Variants in FGGY observed in about 807,000 individuals in gnomAD.
FGGY encodes the protein FGGY carbohydrate kinase domain containing.
A neutral mutation model predicts 71.3 loss-of-function variants in FGGY; 72 were observed. The ratio of observed to expected loss-of-function variants is 1.01; its 90% CI spans 0.84 to 1.23. The LOEUF (loss-of-function observed/expected upper bound fraction) is 1.23, where lower values mean the gene tolerates loss of function less well. FGGY is among the 50% of genes most tolerant of loss of function. The pLI is 0.00. For synonymous variants in FGGY, 251 were observed against 250.3 expected, an observed-to-expected ratio of 1.00 and a Z score of -0.02; for missense variants, 668 against 682.3, an observed-to-expected ratio of 0.98 and a Z score of 0.23.
chr1:59,591,538 A>G (rs1189590982), intron 8 of FGGY, among the ~76,000 whole-genome samples: 1 of 152,218 alleles, frequency 6.6e-6, no homozygotes, highest in East Asian at 1.9e-4. Context: ...ACTTCAAACT[A>G]TACTACAAGG....
At chr1:59,370,449 C>A (rs576699957) in intron 4 of FGGY, among the ~76,000 whole-genome samples, 2 of 152,146 alleles carry the variant, frequency 1.3e-5, no homozygotes, top group South Asian at 4.1e-4. Flanking sequence ...CTGAAAGTGA[C>A]GGGGAGAATG....
At chr1:59,609,477 A>T (rs2096654305) in intron 9 of FGGY, among the ~76,000 whole-genome samples, 1 of 152,208 alleles carries the variant, frequency 6.6e-6, no homozygotes. Flanking sequence ...AGCCACAAGG[A>T]CTTGAATGAG....
At chr1:59,746,547 G>A (rs1247527669) in intron 14 of FGGY, among the ~76,000 whole-genome samples, 1 of 152,078 alleles carries the variant, frequency 6.6e-6, no homozygotes, top group Middle Eastern at 3.2e-3. Context: ...GAGAGCAGTG[G>A]CACAATCGAG....
At chr1:59,510,858 T>G (rs941186079) in intron 6 of FGGY, among the ~76,000 whole-genome samples, 13 of 152,214 alleles carry the variant, frequency 8.5e-5, no homozygotes, top group African/African-American at 3.1e-4. Context: ...ATTTCTTAAA[T>G]TAATCTAGAA....
intron 6 of FGGY, among the ~76,000 whole-genome samples, chr1:59,499,344 G>A (rs1220441365): frequency 2.1e-5 from 3 of 141,142 alleles, no homozygotes; most frequent in African/African-American, 8.3e-5. Context: ...ATTACTAAGC[G>A]GACGACAGGG....
intron 6 of FGGY, among the ~76,000 whole-genome samples, chr1:59,457,330 G>T (rs946007185): frequency 1.3e-5 from 2 of 152,108 alleles, no homozygotes; most frequent in Non-Finnish European, 2.9e-5. Flanking sequence ...CAGAAATTGC[G>T]CTGGGCATGG....
chr1:59,641,603 G>A (rs1425095551), intron 11 of FGGY, among the ~76,000 whole-genome samples: 3 of 152,198 alleles, frequency 2.0e-5, no homozygotes, highest in Non-Finnish European at 2.9e-5. Context: ...GTCTGACTTT[G>A]AAATTGTTTT....
At chr1:59,465,889 A>G (rs2092592826) in intron 6 of FGGY, among the ~76,000 whole-genome samples, 1 of 152,374 alleles carries the variant, frequency 6.6e-6, no homozygotes, top group Middle Eastern at 3.4e-3. Flanking sequence ...TTGCATGCTC[A>G]TGGATAGGAA....
At chr1:59,753,681 G>C (rs2098266719) in intron 14 of FGGY, among the ~76,000 whole-genome samples, 1 of 150,984 alleles carries the variant, frequency 6.6e-6, no homozygotes, top group South Asian at 2.1e-4. Context: ...TATATAACTT[G>C]TTTTTATATG....
intron 4 of FGGY, among the ~76,000 whole-genome samples, chr1:59,358,252 G>T (rs2153228970): frequency 6.6e-6 from 1 of 152,272 alleles, no homozygotes; most frequent in Non-Finnish European, 1.5e-5. Context: ...TCATTTCTCT[G>T]AACACCTGGG....
chr1:59,479,611 T>C (rs1463708187), intron 6 of FGGY, among the ~76,000 whole-genome samples: 4 of 152,144 alleles, frequency 2.6e-5, no homozygotes, highest in African/African-American at 9.7e-5. Context: ...GAGGCTTCTG[T>C]TTTCTTTGTG....
intron 4 of FGGY, among the ~76,000 whole-genome samples, chr1:59,366,982 G>A (rs563195561): frequency 5.9e-5 from 9 of 152,284 alleles, no homozygotes; most frequent in Admixed American, 6.5e-5. Context: ...GTTAGGAGAT[G>A]AGCCCAGAAA....
intron 2 of FGGY, among the ~76,000 whole-genome samples, chr1:59,334,825 G>T (rs2049160007): frequency 6.6e-6 from 1 of 152,118 alleles, no homozygotes; most frequent in Non-Finnish European, 1.5e-5. Context: ...GGTCGCTCAT[G>T]CTTTTTCTAT....
intron 3 of FGGY, among the ~76,000 whole-genome samples, chr1:59,345,084 A>G (rs28498846): frequency 3.3e-5 from 5 of 152,170 alleles, no homozygotes; most frequent in African/African-American, 1.2e-4. Flanking sequence ...ATTGAAAAAC[A>G]GGGGTTAAAA....
intron 14 of FGGY, among the ~76,000 whole-genome samples, chr1:59,721,333 C>CTTTTTT (rs1193468922): frequency 1.5e-5 from 1 of 68,626 alleles, no homozygotes; most frequent in South Asian, 6.0e-4. Context: ...CTTTTCTTTC[C>CTTTTTT]TTTGTTTTTT....
chr1:59,725,760 G>A (rs2097939976), intron 14 of FGGY, among the ~76,000 whole-genome samples: 1 of 151,860 alleles, frequency 6.6e-6, no homozygotes. Flanking sequence ...ACCCTTACTT[G>A]TTTGCTTATT....
intron 6 of FGGY, among the ~76,000 whole-genome samples, chr1:59,482,400 A>AG (rs1405456931): frequency 6.6e-6 from 1 of 152,140 alleles, no homozygotes; most frequent in African/African-American, 2.4e-5. Context: ...TATATGAATC[A>AG]TGGACAAATG....
At chr1:59,349,172 A>G (rs2052736185) in intron 4 of FGGY, among the ~76,000 whole-genome samples, 1 of 152,152 alleles carries the variant, frequency 6.6e-6, no homozygotes. Flanking sequence ...ATTTAAATCC[A>G]TGTCTGCTGG....
intron 11 of FGGY, 44 bp downstream of exon 11, chr1:59,638,419 A>G (rs1558633936): frequency 1.3e-6 from 2 of 1,594,554 alleles, no homozygotes; most frequent in South Asian, 2.3e-5. Context: ...GGCAGGCCAA[A>G]GGGCTACAAA....
Sources: gnomAD v4.1 joint callset for allele counts (sites outside exome capture counted in the v4.1 genomes callset) on GRCh38, gnomAD v4.1.1 for gene constraint, MANE v1.5 for transcripts, NCBI Gene and HGNC (gene_info 2026-07-23, HGNC 2026-07-21) for gene names.